AGAP5: variants seen among roughly 807,000 people sequenced by gnomAD.
AGAP5 encodes the protein arf-GAP with GTPase, ANK repeat and PH domain-containing protein 5.
Under a neutral mutation model 27.7 loss-of-function variants are expected in AGAP5, and 8 were observed. The observed-to-expected ratio is 0.29, with a 90% CI of 0.17 to 0.52. The LOEUF is 0.52. Ranked by LOEUF, AGAP5 falls within the 20% of genes least tolerant of loss-of-function variation. AGAP5 has a pLI of 0.97. For synonymous variants in AGAP5, 111 were observed against 338.0 expected (o/e 0.33, Z 7.37); for missense variants, 285 against 880.8 (o/e 0.32, Z 8.56).
intron 6 of AGAP5, among the ~76,000 whole-genome samples, chr10:73,679,376 A>ATGGTC (rs2082006695): frequency 6.6e-6 from 1 of 151,578 alleles, no homozygotes; most frequent in Non-Finnish European, 1.5e-5. Context: ...GTTAGCCAGA[A>ATGGTC]TGGTCTCGAT....
rs1038307956 is a variant in AGAP5 at position 73,697,673 on chromosome 10, T to A, written c.83A>T (p.Glu28Val). The change falls in exon 1 of 8, where the codon GAA becomes GTA. Residue 28 changes from glutamate (E) to valine (V), a missense_variant. Transcript: ENST00000374094. The part of the protein sequence containing the change: ...DQQQGSVCPS[E>V]SEIYEAGAGD... ...AGCTCCTGCCTCATAGATCTCAGAT[T>A]CAGAGGGACACACCGACCCCTGTTG... The A allele has an allele frequency of 2.5e-6, 4 of 1,599,956 alleles. No individual in the cohort carries two copies. In the African/African-American group the frequency reaches 4.0e-5, roughly 16 times the overall value.
intron 6 of AGAP5, among the ~76,000 whole-genome samples, chr10:73,677,382 T>A (rs1307167956): frequency 1.1e-5 from 1 of 94,678 alleles, no homozygotes; most frequent in African/African-American, 4.1e-5. Context: ...TGTTCTTTTT[T>A]TTTTTTTTTT....
intron 2 of AGAP5, among the ~76,000 whole-genome samples, chr10:73,696,302 G>A (rs1374756415): frequency 4.6e-5 from 7 of 152,276 alleles, no homozygotes; most frequent in Admixed American, 4.6e-4. Flanking sequence ...ACAGGCGTGA[G>A]CCACCAAGCC....
At position 73,692,035 on chromosome 10, in the gene AGAP5, T is replaced by C. The variant is rs765878659; in HGVS notation, c.396+8A>G. 3.6e-4 allele frequency: 536 copies of C among 1,485,196 alleles called. 3 individuals are homozygous for C. The African/African-American group carries it at 6.8e-3, about 19-fold the overall frequency. The allele number at this position is 1,485,196 out of a possible 1,614,324, so 92.0% of individuals were successfully genotyped here. ...ATCAATTTCTTAACTATTTGAGTGTTTACTTACATGGTTTGTACAGTTGCT... is the reference window on the plus strand; with the variant it reads ...ATCAATTTCTTAACTATTTGAGTGTCTACTTACATGGTTTGTACAGTTGCT... On this transcript the variant is annotated splice_region_variant and intron_variant, in intron 4 of 7. Transcript: ENST00000374094.
chr10:73,681,470 A>G (rs1039022950), intron 5 of AGAP5: 1 of 984,348 alleles, frequency 1.0e-6, no homozygotes, highest in African/African-American at 1.7e-5. Flanking sequence ...CTACTGATTC[A>G]TGATAAAACA....
At chr10:73,688,947 C>CCTCCTCTGT (rs1036005634) in intron 4 of AGAP5, among the ~76,000 whole-genome samples, 5 of 152,036 alleles carry the variant, frequency 3.3e-5, no homozygotes, top group African/African-American at 4.8e-5. Context: ...GCCTCCTCTG[C>CCTCCTCTGT]CTCCTCTGTC....
At chr10:73,680,587 T>G (rs2082017272) in intron 5 of AGAP5, among the ~76,000 whole-genome samples, 1 of 121,930 alleles carries the variant, frequency 8.2e-6, no homozygotes, top group African/African-American at 3.1e-5. Flanking sequence ...CCAGATAATT[T>G]TTTTTGGGGG....
chr10:73,694,149 A>G (rs1289871944), intron 3 of AGAP5, among the ~76,000 whole-genome samples: 1 of 152,200 alleles, frequency 6.6e-6, no homozygotes, highest in Admixed American at 6.5e-5. Context: ...TTAACATAAC[A>G]TTAAGGGAAA....
At position 73,674,844 on chromosome 10, in the gene AGAP5, G is replaced by A. The variant is rs2081963041; in HGVS notation, c.1816C>T (p.Leu606=). 1 of 1,611,486 alleles carries A rather than the reference G, an allele frequency of 6.2e-7. No individual in the cohort carries two copies. Among genetic ancestry groups the A allele is most frequent in the Admixed American group, 1.7e-5 (1 of 60,000 alleles). ...ADEDLQTAIL[L]LAHGSREEVN... is the part of the protein sequence containing the mutation. ...TCCTCACGGGAGCCATGTGCCAGCAGCAGGATGGCTGTCTGCAGGTCCTCA... is the reference window on the plus strand; with the variant it reads ...TCCTCACGGGAGCCATGTGCCAGCAACAGGATGGCTGTCTGCAGGTCCTCA... The change falls in exon 8 of 8, where the codon CTG becomes TTG. Residue 606 remains leucine (L), a synonymous_variant. Coordinates refer to ENST00000374094, the MANE Select transcript of AGAP5 (RefSeq NM_001144000.4).
chr10:73,697,937 C>G lies in AGAP5; in HGVS notation c.-182G>C. The G allele has an allele frequency of 6.6e-7, 1 of 1,522,860 alleles. No homozygotes were observed. Among genetic ancestry groups the G allele is most frequent in the Non-Finnish European group, 8.8e-7 (1 of 1,140,196 alleles). The allele number at this position is 1,522,860 out of a possible 1,614,324, so 94.3% of individuals were successfully genotyped here. ...GCCCCGGCCCCGGCCCCGGCTAGGG[C>G]TGCGGGTCAAGGCCCACACCCTGCT... On this transcript the variant is annotated 5_prime_UTR_variant, in exon 1 of 8. Transcript: ENST00000374094.
rs1169318602 is a variant in AGAP5, at chr10:73,697,563, G to A, written c.193C>T (p.His65Tyr). 5 of 1,612,944 alleles carry A rather than the reference G, an allele frequency of 3.1e-6. No homozygotes were observed. In the South Asian group the frequency reaches 3.3e-5, roughly 11 times the overall value. Residue 65 changes from histidine to tyrosine, a missense_variant, in exon 1 of 8, where the codon CAC (histidine) becomes TAC (tyrosine). Physicochemically the swap from His to Tyr is moderately conservative, Grantham distance 83. Coordinates refer to ENST00000374094, the MANE Select transcript of AGAP5 (RefSeq NM_001144000.4). The part of the protein sequence containing the change: ...TVEVGEDLHM[H>Y]HIRDQEMPEA... ...GGCATCTCCTGGTCACGAATGTGGT[G>A]CATGTGGAGGTCCTCACCAACTTCA... is the stretch of plus-strand genomic sequence containing the variant.
At chr10:73,676,214 T>C in intron 7 of AGAP5, 140 bp from the exon 8 acceptor site, 2 of 1,294,958 alleles carry the variant, frequency 1.5e-6, no homozygotes. Flanking sequence ...CACAGCACTT[T>C]GGGAGGCCAA....
chr10:73,690,887 G>A (rs113031716), intron 4 of AGAP5, among the ~76,000 whole-genome samples: 1 of 152,116 alleles, frequency 6.6e-6, no homozygotes, highest in African/African-American at 2.4e-5. Context: ...GGAAACCCAC[G>A]CTATATTGAA....
intron 4 of AGAP5, among the ~76,000 whole-genome samples, chr10:73,685,653 A>G (rs2082057202): frequency 6.6e-6 from 1 of 151,624 alleles, no homozygotes; most frequent in African/African-American, 2.4e-5. Context: ...CCGAGGTTCA[A>G]GCGATTCTCC....
Position 73,678,899 on chromosome 10 carries a change from G to C in AGAP5, c.533+1172C>G, listed in dbSNP as rs1205119022. 4.6e-5 allele frequency among the ~76,000 whole-genome samples: 7 copies of C among 151,424 alleles called. No homozygotes were observed. In the East Asian group the frequency reaches 9.7e-4, roughly 21 times the overall value. On this transcript the variant is annotated intron_variant, in intron 6 of 7. Coordinates refer to ENST00000374094, the MANE Select transcript of AGAP5 (RefSeq NM_001144000.4). ...GACAGAGTCTCTCTCTGTCACCCAGGCTGGGGTGCAATGGCGAGATCTCGG... is the reference window on the plus strand; with the variant it reads ...GACAGAGTCTCTCTCTGTCACCCAGCCTGGGGTGCAATGGCGAGATCTCGG...
rs2082178755 is a variant in AGAP5, at chr10:73,697,988, G to A, written c.-233C>T. On this transcript the variant is annotated 5_prime_UTR_variant, in exon 1 of 8. Transcript: ENST00000374094. The stretch of plus-strand genomic sequence containing the variant: ...GCCTCCCCTGAGTTGACTTGTCTGG[G>A]AGGGTGAAGACCAGCTGGCTTATTT... The A allele has an allele frequency of 1.4e-6, 2 of 1,474,116 alleles. No homozygotes were observed. The highest frequency in any genetic ancestry group is 2.5e-5 in the East Asian group (1 of 40,216). The allele number at this position is 1,474,116 out of a possible 1,614,324, so 91.3% of individuals were successfully genotyped here.
chr10:73,680,681 G>A (rs1474404554), intron 5 of AGAP5, among the ~76,000 whole-genome samples: 5 of 144,594 alleles, frequency 3.5e-5, no homozygotes, highest in Non-Finnish European at 6.1e-5. Context: ...TCTGCCTCCC[G>A]GGTTCAAGAG....
intron 4 of AGAP5, among the ~76,000 whole-genome samples, chr10:73,685,960 T>C (rs1252899335): frequency 6.6e-6 from 1 of 152,124 alleles, no homozygotes; most frequent in East Asian, 1.9e-4. Flanking sequence ...AGAATGAATA[T>C]TGTGAAAATG....
At chr10:73,697,324 G>A (rs1160034747) in intron 1 of AGAP5, among the ~76,000 whole-genome samples, 161 bp from the exon 2 acceptor site, 9 of 152,090 alleles carry the variant, frequency 5.9e-5, no homozygotes, top group Non-Finnish European at 4.4e-5. Context: ...CGATTGGGAG[G>A]GGAGGCGAAA....
Sources: gnomAD v4.1 joint callset for allele counts (sites outside exome capture counted in the v4.1 genomes callset) on GRCh38, gnomAD v4.1.1 for gene constraint, MANE v1.5 for transcripts, NCBI Gene and HGNC (gene_info 2026-07-23, HGNC 2026-07-21) for gene names.